SORCS1: variants seen among roughly 807,000 people sequenced by gnomAD.
The protein encoded by SORCS1 is sortilin related VPS10 domain containing receptor 1, also known as VPS10 domain-containing receptor SorCS1.
A neutral mutation model predicts 146.1 loss-of-function variants in SORCS1; 60 were observed. The observed-to-expected ratio is 0.41, with a 90% CI of 0.33 to 0.51. The LOEUF (loss-of-function observed/expected upper bound fraction) is 0.51. Ranked by LOEUF, SORCS1 falls within the 20% of genes least tolerant of loss-of-function variation. SORCS1 has a pLI of 0.21. For synonymous variants in SORCS1, 637 were observed against 584.0 expected (o/e 1.09, Z -1.31); for missense variants, 1,352 against 1,487.6 (o/e 0.91, Z 1.50).
Position 106,675,081 on chromosome 10 carries a change from C to G in SORCS1, c.1908G>C (p.Leu636=). ...TGAGAGTCTCTTCTCCAGGCTCACC[C>G]AGAACCCCATCCACAAAAAGTGGAA... is the stretch of plus-strand genomic sequence containing the variant. ...TSIPLFVDGV[L]GEPGEETLIM... The change falls in exon 14 of 26, where the codon CTG becomes CTC. Residue 636 remains leucine, a synonymous_variant. Transcript: ENST00000263054. The G allele has an allele frequency of 6.2e-7, 1 of 1,613,814 alleles. No individual in the cohort carries two copies. The highest frequency in any genetic ancestry group is 1.1e-5 in the South Asian group (1 of 91,046).
chr10:106,852,740 A>G (rs138395346), intron 2 of SORCS1, among the ~76,000 whole-genome samples: 287 of 151,362 alleles, frequency 1.9e-3, no homozygotes, highest in African/African-American at 6.7e-3. Context: ...TCCCTCATCT[A>G]TTGGTATATT....
chr10:107,143,376 GGA>G (rs1699931210), intron 1 of SORCS1, among the ~76,000 whole-genome samples: 2 of 152,264 alleles, frequency 1.3e-5, no homozygotes, highest in South Asian at 4.1e-4. Flanking sequence ...CGCACAGGCT[GGA>G]CTGCAGTGGC....
intron 2 of SORCS1, among the ~76,000 whole-genome samples, chr10:106,891,698 C>CT (rs1445088879): frequency 6.6e-6 from 1 of 151,858 alleles, no homozygotes; most frequent in African/African-American, 2.4e-5. Context: ...TAATGATCCT[C>CT]TTTGACAATT....
intron 1 of SORCS1, among the ~76,000 whole-genome samples, chr10:107,055,247 A>T (rs1365617280): frequency 2.6e-5 from 4 of 152,214 alleles, no homozygotes; most frequent in Non-Finnish European, 5.9e-5. Flanking sequence ...TCCGTGTTCT[A>T]AACAACATCA....
At chr10:107,029,414 C>G (rs1045767665) in intron 1 of SORCS1, among the ~76,000 whole-genome samples, 1 of 152,216 alleles carries the variant, frequency 6.6e-6, no homozygotes, top group Non-Finnish European at 1.5e-5. Context: ...CCTCACCATA[C>G]ACTTCTCATT....
At chr10:106,947,929 T>G (rs1954440216) in intron 2 of SORCS1, among the ~76,000 whole-genome samples, 1 of 152,186 alleles carries the variant, frequency 6.6e-6, no homozygotes, top group South Asian at 2.1e-4. Flanking sequence ...AAACACTTCT[T>G]GGTATGTAGG....
chr10:107,089,117 C>T (rs775128240), intron 1 of SORCS1, among the ~76,000 whole-genome samples: 9 of 152,132 alleles, frequency 5.9e-5, no homozygotes, highest in Non-Finnish European at 1.3e-4. Context: ...GTCATAATCA[C>T]CCAAAGCCAA....
intron 2 of SORCS1, among the ~76,000 whole-genome samples, chr10:106,839,985 T>C (rs984742385): frequency 6.6e-6 from 1 of 152,214 alleles, no homozygotes; most frequent in African/African-American, 2.4e-5. Context: ...TCACTGATAA[T>C]GTACCTAGTC....
At chr10:107,004,700 T>C (rs1308579283) in intron 1 of SORCS1, among the ~76,000 whole-genome samples, 3 of 152,176 alleles carry the variant, frequency 2.0e-5, no homozygotes, top group African/African-American at 7.2e-5. Flanking sequence ...CAGAAGTGGC[T>C]ACTCTTCTGG....
chr10:106,876,356 G>A (rs1950589286), intron 2 of SORCS1, among the ~76,000 whole-genome samples: 2 of 152,080 alleles, frequency 1.3e-5, no homozygotes, highest in Admixed American at 1.3e-4. Context: ...TGCATCCCTT[G>A]CATCTACCAG....
intron 2 of SORCS1, among the ~76,000 whole-genome samples, chr10:106,868,434 C>A (rs939764229): frequency 2.0e-5 from 3 of 152,100 alleles, no homozygotes; most frequent in Non-Finnish European, 4.4e-5. Flanking sequence ...CTAAAATCGA[C>A]CACATAACTG....
intron 25 of SORCS1, chr10:106,578,489 T>A (rs779044257): frequency 5.1e-6 from 1 of 197,966 alleles, no homozygotes; most frequent in Non-Finnish European, 9.1e-6. Flanking sequence ...TGCCTGGATG[T>A]CTGCAAACAT....
chr10:106,946,924 C>A (rs1255385467), intron 2 of SORCS1, among the ~76,000 whole-genome samples: 1 of 152,016 alleles, frequency 6.6e-6, no homozygotes, highest in Non-Finnish European at 1.5e-5. Flanking sequence ...ATCTGATAAC[C>A]ATTATAAGTC....
At chr10:106,798,786 G>GGTATATA (rs1946721302) in intron 3 of SORCS1, among the ~76,000 whole-genome samples, 7 of 152,126 alleles carry the variant, frequency 4.6e-5, no homozygotes, top group Admixed American at 2.0e-4. Context: ...GATTTATAAT[G>GGTATATA]CTTTGGGTAT....
chr10:106,745,007 C>A (rs538405019), intron 5 of SORCS1, among the ~76,000 whole-genome samples: 1 of 152,224 alleles, frequency 6.6e-6, no homozygotes, highest in African/African-American at 2.4e-5. Context: ...AAAAGACCAA[C>A]AAAAAGTTTA....
At chr10:106,914,588 A>T (rs1952323330) in intron 2 of SORCS1, among the ~76,000 whole-genome samples, 1 of 152,054 alleles carries the variant, frequency 6.6e-6, no homozygotes, top group Non-Finnish European at 1.5e-5. Context: ...GTGCATGGTG[A>T]CTCTGGATAA....
In SORCS1 at chr10:107,164,408, G is replaced by A. The variant is rs1969953467; in HGVS notation, c.119C>T (p.Ser40Leu). 1 of 1,424,212 alleles carries A rather than the reference G, an allele frequency of 7.0e-7. No homozygotes were observed. Among genetic ancestry groups the A allele is most frequent in the Non-Finnish European group, 9.1e-7 (1 of 1,093,912 alleles). The allele number at this position is 1,424,212 out of a possible 1,614,324, so 88.2% of individuals were successfully genotyped here. The change falls in exon 1 of 26, where the codon TCG becomes TTG. Residue 40 changes from serine (S) to leucine (L), a missense_variant. Around this residue, in one of 3 missense-constraint regions of SORCS1, gnomAD observed 490 missense variants for 489.1 expected, o/e 1.00. Coordinates refer to ENST00000263054, the MANE Select transcript of SORCS1 (RefSeq NM_052918.5). This position sits in a 1 kb window ranked among gnomAD's most constrained non-coding sequence, Gnocchi z 6.8. ...GCGTGGAGCGGAGCTGGGGTGCGGC[G>A]AGGGGCAGCAGGAGCCGCCGCCGCA... is the stretch of plus-strand genomic sequence containing the variant. ...GVCGGGSCCPSPHPSSAPRSA... is the reference protein window; with the variant it reads ...GVCGGGSCCPLPHPSSAPRSA...
intron 17 of SORCS1, among the ~76,000 whole-genome samples, chr10:106,664,600 C>T (rs1850988436): frequency 6.6e-6 from 1 of 152,034 alleles, no homozygotes; most frequent in Non-Finnish European, 1.5e-5. Context: ...CGAGATCGTG[C>T]CACTGCACTC....
intron 2 of SORCS1, among the ~76,000 whole-genome samples, chr10:106,915,555 A>G (rs1190235732): frequency 1.3e-5 from 2 of 151,940 alleles, no homozygotes; most frequent in Non-Finnish European, 2.9e-5. Context: ...CCACTCTCCC[A>G]GGCCCACTCT....
Sources: gnomAD v4.1 joint callset for allele counts (sites outside exome capture counted in the v4.1 genomes callset) on GRCh38, gnomAD v4.1.1 for gene constraint, gnomAD v4.1.1 regional missense constraint, Gnocchi (gnomAD v3.1) non-coding constraint, MANE v1.5 for transcripts, NCBI Gene and HGNC (gene_info 2026-07-23, HGNC 2026-07-21) for gene names.